The following MGA variants were observed in gnomAD, a reference collection of about 807,000 sequenced individuals.
The protein encoded by MGA is MAX gene-associated protein.
A neutral mutation model predicts 261.1 loss-of-function variants in MGA; 40 were observed. That is an observed-to-expected ratio of 0.15 (90% CI 0.12 to 0.20). MGA has a LOEUF of 0.20. MGA is among the 10% of genes least tolerant of loss of function. The pLI is 1.00. For missense variants in MGA, 3,397 were observed against 3,630.5 expected (o/e 0.94, Z 1.65); for synonymous variants, 1,302 against 1,290.6 (o/e 1.01, Z -0.19).
chr15:41,763,798 C>A (rs2063636665), intron 22 of MGA, among the ~76,000 whole-genome samples: 1 of 152,096 alleles, frequency 6.6e-6, no homozygotes, highest in African/African-American at 2.4e-5. Context: ...GTCTTAACTT[C>A]TTATTACCAT....
At chr15:41,659,203 C>G (rs2057278597), upstream of MGA, among the ~76,000 whole-genome samples, 1 of 152,154 alleles carries the variant, frequency 6.6e-6, no homozygotes, top group Non-Finnish European at 1.5e-5. Context: ...TCAGACTATT[C>G]CAGCAGTTTC....
chr15:41,710,414 TAAGTATTTATTTTAA>T (rs2060332066), intron 7 of MGA, among the ~76,000 whole-genome samples: 2 of 152,178 alleles, frequency 1.3e-5, no homozygotes, highest in South Asian at 4.1e-4. Context: ...GTTTGTTTAT[TAAGTATTTATTTTAA>T]AAAATTTATT....
intron 17 of MGA, chr15:41,751,467 T>G (rs2062827674): frequency 6.6e-6 from 1 of 152,170 alleles, no homozygotes; most frequent in African/African-American, 2.4e-5. Context: ...CTCACACCCA[T>G]AATCCCAGCA....
chr15:41,709,471 G>T (rs926588884), intron 7 of MGA, among the ~76,000 whole-genome samples: 2 of 152,016 alleles, frequency 1.3e-5, no homozygotes, highest in South Asian at 2.1e-4. Context: ...TAAAGACGGG[G>T]TCTTGCTCCA....
rs1477997906 is a variant in MGA at position 41,701,967 on chromosome 15, T to G, written c.2188+2808T>G. Among the ~76,000 whole-genome samples the G allele has an allele frequency of 5.3e-5, 8 of 151,982 alleles. No individual in the cohort carries two copies. The South Asian group carries it at 1.5e-3, about 28-fold the overall frequency. On this transcript the variant is annotated intron_variant, in intron 5 of 23. Coordinates refer to ENST00000219905, the MANE Select transcript of MGA (RefSeq NM_001164273.2). ...GTGTGAAGTGGAGTCCTGTTTTGGG[T>G]TTTTTTTCCTCTATTTTATTTTAGC...
At chr15:41,651,643 C>CCTCTT (rs1329234593) in intron 1 of MGA, among the ~76,000 whole-genome samples, 20 of 129,648 alleles carry the variant, frequency 1.5e-4, no homozygotes, top group Admixed American at 5.4e-4. Flanking sequence ...TCTCCTCTCC[C>CCTCTT]CTCTCCTCTC....
chr15:41,636,916 C>T (rs2056721433), intron 1 of MGA, among the ~76,000 whole-genome samples: 1 of 152,014 alleles, frequency 6.6e-6, no homozygotes, highest in South Asian at 2.1e-4. Flanking sequence ...TGTCCTGGAA[C>T]CAGTCCCCAT....
At chr15:41,632,427 T>C (rs759826311) in intron 1 of MGA, among the ~76,000 whole-genome samples, 13 of 151,992 alleles carry the variant, frequency 8.6e-5, no homozygotes, top group Non-Finnish European at 1.6e-4. Flanking sequence ...ACATCCCTCC[T>C]CTCCTCCCCC....
chr15:41,762,268 A>T lies in MGA; in HGVS notation c.7650A>T (p.Gly2550=). Residue 2550 remains glycine, a synonymous_variant, in exon 22 of 24, where the codon GGA becomes GGT. Coordinates refer to ENST00000219905, the MANE Select transcript of MGA (RefSeq NM_001164273.2). ...CCAGAATTAGCAAACAGCAGGAAGG[A>T]TCTTCTGCATCATCTGTAGATCTTG... The T allele has an allele frequency of 1.2e-6, 2 of 1,613,888 alleles. No homozygotes were observed. The highest frequency in any genetic ancestry group is 1.7e-6 in the Non-Finnish European group (2 of 1,179,832).
Position 41,696,308 on chromosome 15 carries a change from T to C in MGA, c.1298T>C (p.Val433Ala). The C allele has an allele frequency of 1.2e-6, 2 of 1,613,886 alleles. No homozygotes were observed. The highest frequency in any genetic ancestry group is 2.2e-5 in the East Asian group (1 of 44,878). Residue 433 changes from valine (V) to alanine (A), a missense_variant, in exon 3 of 24, where the codon GTT becomes GCT. This residue lies in a region of MGA where 563 missense variants were observed against 563.6 expected (regional missense o/e 1.00). Transcript: ENST00000219905. ...AAACAGCTAAAGAGGCACAATAAAG[T>C]TGACAACCCAGAAGCTGACCATCTA...
chr15:41,675,356 TTGC>T (rs974089148), intron 2 of MGA, among the ~76,000 whole-genome samples: 1 of 152,156 alleles, frequency 6.6e-6, no homozygotes, highest in African/African-American at 2.4e-5. Context: ...TTAGAGGCTA[TTGC>T]TGCTTTTTTT....
chr15:41,749,112 G>T lies in MGA; in HGVS notation c.5505G>T (p.Gly1835=). ...TTTCTCTCTTATTTTTTAAACCAGG[G>T]TCTGTGATGGGAATCCGGTTACCTG... The change falls in exon 17 of 24, where the codon GGG becomes GGT. Residue 1835 remains glycine, a splice_region_variant and synonymous_variant. Coordinates refer to ENST00000219905, the MANE Select transcript of MGA (RefSeq NM_001164273.2). 1 of 1,607,412 alleles carries T rather than the reference G, an allele frequency of 6.2e-7. No individual in the cohort carries two copies. The highest frequency in any genetic ancestry group is 1.7e-4 in the Middle Eastern group (1 of 6,002).
upstream of MGA, among the ~76,000 whole-genome samples, chr15:41,660,067 T>TA (rs1373971510): frequency 3.9e-5 from 6 of 152,198 alleles, no homozygotes; most frequent in Non-Finnish European, 7.3e-5. Flanking sequence ...CGAGGAGCCC[T>TA]AGGGAAAGGG....
At chr15:41,642,015 C>T (rs2056832340) in intron 1 of MGA, among the ~76,000 whole-genome samples, 1 of 152,022 alleles carries the variant, frequency 6.6e-6, no homozygotes, top group Non-Finnish European at 1.5e-5. Context: ...AGACTGGTCT[C>T]CCGCTGAATT....
chr15:41,652,332 C>T (rs1216341910), intron 1 of MGA, among the ~76,000 whole-genome samples: 1 of 118,160 alleles, frequency 8.5e-6, no homozygotes, highest in African/African-American at 3.2e-5. Flanking sequence ...TCTCTTCTTT[C>T]ACCTCTCCCT....
chr15:41,740,060 C>G lies in MGA; in HGVS notation c.4442C>G (p.Ser1481Cys), dbSNP rs2062004917. 17 of 1,614,044 alleles carry G rather than the reference C, an allele frequency of 1.1e-5. No individual in the cohort carries two copies. The highest frequency in any genetic ancestry group is 1.4e-5 in the Non-Finnish European group (17 of 1,179,894). The change falls in exon 14 of 24, where the codon TCC becomes TGC. Residue 1481 changes from serine to cysteine, a missense_variant. Around this residue, in one of 9 missense-constraint regions of MGA, gnomAD observed 1,410 missense variants for 1,386.4 expected, o/e 1.02. Transcript: ENST00000219905. ...AGTACTGTCATCTCCAAGGTAGCAT[C>G]CAATGCCAAGGTGGCTGCATCCAGG...
At chr15:41,759,244 A>G (rs138109686) in intron 19 of MGA, among the ~76,000 whole-genome samples, 607 of 152,346 alleles carry the variant, frequency 4.0e-3, no homozygotes, top group Non-Finnish European at 6.3e-3. Context: ...ATGTGAGCTA[A>G]ATCCTCTTCT....
At chr15:41,744,979 A>G (rs995563365) in intron 15 of MGA, among the ~76,000 whole-genome samples, 5 of 152,086 alleles carry the variant, frequency 3.3e-5, no homozygotes, top group Non-Finnish European at 4.4e-5. Flanking sequence ...CCCAGGTTCA[A>G]GTGGTTCTCC....
At chr15:41,713,683 G>C (rs2060491923) in intron 9 of MGA, among the ~76,000 whole-genome samples, 187 bp downstream of exon 9, 1 of 152,152 alleles carries the variant, frequency 6.6e-6, no homozygotes, top group Non-Finnish European at 1.5e-5. Flanking sequence ...CCTTTTTTAA[G>C]TTGAATTGTT....
Sources: allele counts gnomAD v4.1 joint callset (sites outside exome capture counted in the v4.1 genomes callset), GRCh38; gene constraint gnomAD v4.1.1; regional missense constraint gnomAD v4.1.1; transcripts MANE v1.5; gene names NCBI Gene and HGNC (gene_info 2026-07-23, HGNC 2026-07-21).